Variants in RAPGEF5 observed in about 807,000 individuals in gnomAD.
RAPGEF5 encodes Rap guanine nucleotide exchange factor 5.
In RAPGEF5, 65 loss-of-function variants were observed where a neutral mutation model predicts 125.2. The ratio of observed to expected loss-of-function variants is 0.52; its 90% CI spans 0.43 to 0.64. The LOEUF is 0.64. Among genes scored for constraint, RAPGEF5 ranks in the 30% least tolerant of loss-of-function variants. RAPGEF5 has a pLI of 0.00. For synonymous variants in RAPGEF5, 391 were observed against 385.9 expected, an observed-to-expected ratio of 1.01 and a Z score of -0.16; for missense variants, 958 against 1,048.1, an observed-to-expected ratio of 0.91 and a Z score of 1.19.
At chr7:22,230,746 C>T in intron 8 of RAPGEF5, 100 bp downstream of exon 8, 1 of 1,128,742 alleles carries the variant, frequency 8.9e-7, no homozygotes, top group Non-Finnish European at 1.3e-6. Context: ...ATTTACAAAA[C>T]ATAAAAGGTA....
intron 25 of RAPGEF5, 117 bp from the exon 26 acceptor site, chr7:22,122,638 A>T: frequency 1.4e-6 from 1 of 704,654 alleles, no homozygotes; most frequent in Non-Finnish European, 2.5e-6. Flanking sequence ...CTCATTAGTC[A>T]GAATCCCATA....
intron 14 of RAPGEF5, among the ~76,000 whole-genome samples, chr7:22,159,437 T>C (rs778501181): frequency 6.6e-6 from 1 of 152,242 alleles, no homozygotes; most frequent in Non-Finnish European, 1.5e-5. Flanking sequence ...TCTGAAAGGC[T>C]TGAATTAACA....
chr7:22,321,958 G>A (rs1304246796), intron 1 of RAPGEF5, among the ~76,000 whole-genome samples: 2 of 152,104 alleles, frequency 1.3e-5, no homozygotes, highest in African/African-American at 2.4e-5. Context: ...TACAAGGACC[G>A]AATCCCAGCC....
At chr7:22,316,977 A>T (rs866177218) in intron 2 of RAPGEF5, among the ~76,000 whole-genome samples, 319 of 138,782 alleles carry the variant, frequency 2.3e-3, no homozygotes, top group African/African-American at 2.8e-3. Flanking sequence ...AAAACTATTT[A>T]AAAAAAAAAA....
Position 22,193,885 on chromosome 7 carries a change from G to C in RAPGEF5, c.1115+30C>G, listed in dbSNP as rs1367886607. ...GGCAGGGAAAAGGAAACGGGAGCGC[G>C]TGCCTCTGTGGCTGCAGGGAAACTC... On this transcript the variant is annotated intron_variant, in intron 10 of 25. Coordinates refer to ENST00000665637, the MANE Select transcript of RAPGEF5 (RefSeq NM_012294.5). The C allele has an allele frequency of 8.7e-6, 14 of 1,612,694 alleles. No homozygotes were observed. The Middle Eastern group carries it at 5.0e-4, about 57-fold the overall frequency.
intron 1 of RAPGEF5, among the ~76,000 whole-genome samples, chr7:22,334,970 G>A (rs960987438): frequency 1.3e-5 from 2 of 152,112 alleles, no homozygotes. Flanking sequence ...TTTCAGAGTT[G>A]GTCTCTTGTT....
intron 11 of RAPGEF5, among the ~76,000 whole-genome samples, chr7:22,175,106 C>G (rs1009140287): frequency 6.6e-6 from 1 of 152,112 alleles, no homozygotes; most frequent in Non-Finnish European, 1.5e-5. Context: ...AACGAATGTA[C>G]AGTCAATAGC....
intron 17 of RAPGEF5, 155 bp from the exon 18 acceptor site, chr7:22,150,659 C>A: frequency 9.2e-7 from 1 of 1,082,234 alleles, no homozygotes; most frequent in Non-Finnish European, 1.2e-6. Context: ...TCTGCACACT[C>A]TATACAATGA....
chr7:22,319,946 A>C (rs1361356016), intron 1 of RAPGEF5, among the ~76,000 whole-genome samples: 3 of 151,906 alleles, frequency 2.0e-5, no homozygotes, highest in African/African-American at 4.8e-5. Context: ...CTGTCTACAC[A>C]CTCGTGTTAC....
At chr7:22,267,384 C>T (rs1258260898) in intron 6 of RAPGEF5, among the ~76,000 whole-genome samples, 1 of 152,068 alleles carries the variant, frequency 6.6e-6, no homozygotes, top group East Asian at 1.9e-4. Context: ...TTAAATATTA[C>T]TTATCCCTCA....
At chr7:22,316,129 G>A (rs1031661937) in intron 2 of RAPGEF5, among the ~76,000 whole-genome samples, 1 of 151,894 alleles carries the variant, frequency 6.6e-6, no homozygotes, top group Non-Finnish European at 1.5e-5. Context: ...GGATGAAGAA[G>A]GGTAGTTCTT....
chr7:22,288,435 C>A lies in RAPGEF5; in HGVS notation c.747+2740G>T, dbSNP rs182612927. 1.0e-3 allele frequency among the ~76,000 whole-genome samples: 157 copies of A among 152,276 alleles called. 2 individuals are homozygous for A. Among genetic ancestry groups the A allele is most frequent in the African/African-American group, 3.7e-3 (154 of 41,574 alleles). Reference sequence around the variant, plus strand: ...AACTTCCTAAGAATATCATCATGTCCCCAATCATGCAAGTTCAGAACTTCA... The same window carrying A: ...AACTTCCTAAGAATATCATCATGTCACCAATCATGCAAGTTCAGAACTTCA... On this transcript the variant is annotated intron_variant, in intron 6 of 25. Coordinates refer to ENST00000665637, the MANE Select transcript of RAPGEF5 (RefSeq NM_012294.5).
At position 22,162,484 on chromosome 7, in the gene RAPGEF5, T is replaced by C; in HGVS notation, c.1341A>G (p.Lys447=). The C allele has an allele frequency of 6.2e-7, 1 of 1,607,334 alleles. No homozygotes were observed. The highest frequency in any genetic ancestry group is 8.5e-7 in the Non-Finnish European group (1 of 1,173,924). The change falls in exon 13 of 26, where the codon AAA becomes AAG. Residue 447 remains lysine, a synonymous_variant. Coordinates refer to ENST00000665637, the MANE Select transcript of RAPGEF5 (RefSeq NM_012294.5). ...GGGAAACAAGATGCAAGACTTTACG[T>C]TTCCTACGCGGAACGTCTGAGTTTT... ...KEENSDVPRR[K]RKVLHLVSQW...
At chr7:22,197,805 G>A (rs143815207) in intron 9 of RAPGEF5, among the ~76,000 whole-genome samples, 2 of 149,972 alleles carry the variant, frequency 1.3e-5, no homozygotes, top group African/African-American at 2.5e-5. Flanking sequence ...TACTGAATAC[G>A]TTTATAAACA....
At chr7:22,154,900 T>C (rs1783756726) in intron 16 of RAPGEF5, among the ~76,000 whole-genome samples, 1 of 152,234 alleles carries the variant, frequency 6.6e-6, no homozygotes. Context: ...CGCAAGTGTG[T>C]ACTCACTGTA....
intron 15 of RAPGEF5, 36 bp downstream of exon 15, chr7:22,157,819 G>C: frequency 6.3e-7 from 1 of 1,592,476 alleles, no homozygotes; most frequent in South Asian, 1.1e-5. Flanking sequence ...CTCCAAACCG[G>C]ATCACCTAAT....
chr7:22,186,147 A>T (rs1784819049), intron 11 of RAPGEF5, among the ~76,000 whole-genome samples: 1 of 152,214 alleles, frequency 6.6e-6, no homozygotes, highest in Non-Finnish European at 1.5e-5. Flanking sequence ...ACTAAGTAGC[A>T]GCCCAGTCCA....
chr7:22,310,123 A>T, intron 3 of RAPGEF5, 33 bp from the exon 4 acceptor site: 1 of 1,480,062 alleles, frequency 6.8e-7, no homozygotes, highest in Non-Finnish European at 9.0e-7. Context: ...ACAGTAAGAT[A>T]TTGCTGACAT....
chr7:22,351,927 A>T (rs1302734896), intron 1 of RAPGEF5, among the ~76,000 whole-genome samples: 2 of 152,218 alleles, frequency 1.3e-5, no homozygotes, highest in African/African-American at 4.8e-5. Context: ...AAAGAAAAAG[A>T]GAGAACTTCA....
Sources: gnomAD v4.1 joint callset for allele counts (sites outside exome capture counted in the v4.1 genomes callset) on GRCh38, gnomAD v4.1.1 for gene constraint, MANE v1.5 for transcripts, NCBI Gene and HGNC (gene_info 2026-07-23, HGNC 2026-07-21) for gene names.